ZNF804B: variants seen among roughly 807,000 people sequenced by gnomAD.
ZNF804B encodes zinc finger protein 804B.
Under a neutral mutation model 101.4 loss-of-function variants are expected in ZNF804B, and 80 were observed. The observed-to-expected ratio is 0.79, with a 90% CI of 0.66 to 0.95. ZNF804B has a LOEUF of 0.95. Among genes scored for constraint, ZNF804B ranks in the 40% least tolerant of loss-of-function variants. ZNF804B has a pLI of 0.00. For missense variants in ZNF804B, 1,673 were observed against 1,561.9 expected (o/e 1.07, Z -1.20); for synonymous variants, 622 against 558.8 (o/e 1.11, Z -1.59).
intron 1 of ZNF804B, among the ~76,000 whole-genome samples, chr7:88,970,841 A>G: frequency 7.6e-6 from 1 of 131,504 alleles, no homozygotes; most frequent in Admixed American, 8.0e-5. Flanking sequence ...GGGGGGAGGG[A>G]TAGCATTAGG....
chr7:89,163,974 G>C (rs767665784), intron 1 of ZNF804B, among the ~76,000 whole-genome samples: 1 of 149,048 alleles, frequency 6.7e-6, no homozygotes, highest in Admixed American at 6.7e-5. Flanking sequence ...ATATTTTTAC[G>C]CAAGGGAATG....
chr7:88,947,193 C>T (rs1793147080), intron 1 of ZNF804B, among the ~76,000 whole-genome samples: 1 of 151,970 alleles, frequency 6.6e-6, no homozygotes, highest in Non-Finnish European at 1.5e-5. Flanking sequence ...ATAAATCATT[C>T]TACTATAAAG....
At chr7:88,991,433 T>A (rs1005444821) in intron 1 of ZNF804B, among the ~76,000 whole-genome samples, 1 of 152,158 alleles carries the variant, frequency 6.6e-6, no homozygotes, top group African/African-American at 2.4e-5. Context: ...ATGATGTATA[T>A]GCCCTGCTGG....
chr7:89,102,416 A>G (rs1790069163), intron 1 of ZNF804B, among the ~76,000 whole-genome samples: 1 of 151,724 alleles, frequency 6.6e-6, no homozygotes, highest in Non-Finnish European at 1.5e-5. Context: ...CTCAGTATAG[A>G]TGTTGCATTT....
At chr7:88,771,416 G>A (rs373418900) in intron 1 of ZNF804B, among the ~76,000 whole-genome samples, 12 of 151,798 alleles carry the variant, frequency 7.9e-5, no homozygotes, top group East Asian at 1.9e-4. Flanking sequence ...TTGATGCCAC[G>A]AATGTGAACA....
chr7:89,070,093 A>C (rs1329232727), intron 1 of ZNF804B, among the ~76,000 whole-genome samples: 2 of 152,180 alleles, frequency 1.3e-5, no homozygotes, highest in Non-Finnish European at 2.9e-5. Flanking sequence ...CCAGACAATT[A>C]ACAGCAAACA....
intron 1 of ZNF804B, among the ~76,000 whole-genome samples, chr7:89,033,847 T>C (rs1301306123): frequency 1.3e-5 from 2 of 152,102 alleles, no homozygotes; most frequent in African/African-American, 4.8e-5. Flanking sequence ...CTGCTTTGTA[T>C]CTTCATTTTT....
At chr7:88,772,025 T>C (rs1790073388) in intron 1 of ZNF804B, among the ~76,000 whole-genome samples, 1 of 152,170 alleles carries the variant, frequency 6.6e-6, no homozygotes, top group African/African-American at 2.4e-5. Context: ...CAAATTTTTG[T>C]CACTATGGAA....
At chr7:89,030,126 A>G (rs887011386) in intron 1 of ZNF804B, among the ~76,000 whole-genome samples, 3 of 152,146 alleles carry the variant, frequency 2.0e-5, no homozygotes, top group Non-Finnish European at 4.4e-5. Flanking sequence ...CTGTGATCAT[A>G]TCAGAAAAAA....
intron 1 of ZNF804B, among the ~76,000 whole-genome samples, chr7:88,815,129 CATAG>C (rs1376650425): frequency 6.8e-6 from 1 of 147,248 alleles, no homozygotes; most frequent in Non-Finnish European, 1.5e-5. Context: ...GTATGTATGG[CATAG>C]ATAAATTACA....
chr7:89,233,360 T>C (rs1584073410), intron 2 of ZNF804B, among the ~76,000 whole-genome samples: 1 of 152,318 alleles, frequency 6.6e-6, no homozygotes, highest in East Asian at 1.9e-4. Flanking sequence ...CACAGACATG[T>C]GGTTGTCTGA....
chr7:88,775,175 G>T (rs747602589), intron 1 of ZNF804B, among the ~76,000 whole-genome samples: 1 of 152,276 alleles, frequency 6.6e-6, no homozygotes, highest in South Asian at 2.1e-4. Flanking sequence ...TTCTAAAGAA[G>T]AATAAACAGG....
intron 1 of ZNF804B, among the ~76,000 whole-genome samples, chr7:88,930,180 A>G (rs914606981): frequency 1.3e-5 from 2 of 152,046 alleles, no homozygotes; most frequent in East Asian, 1.9e-4. Flanking sequence ...TTTAGTTTCT[A>G]TTTTGATATT....
At chr7:88,865,632 C>T (rs143377005) in intron 1 of ZNF804B, among the ~76,000 whole-genome samples, 419 of 152,112 alleles carry the variant, frequency 2.8e-3, no homozygotes, top group African/African-American at 9.7e-3. Context: ...CCTCTTAGTT[C>T]CCTCTCTCCT....
At chr7:89,008,278 CA>C (rs1238285610) in intron 1 of ZNF804B, among the ~76,000 whole-genome samples, 1 of 151,912 alleles carries the variant, frequency 6.6e-6, no homozygotes, top group African/African-American at 2.4e-5. Flanking sequence ...TTTCATTACA[CA>C]AAAAACCAAA....
At chr7:89,002,539 T>C (rs1788305152) in intron 1 of ZNF804B, among the ~76,000 whole-genome samples, 1 of 151,946 alleles carries the variant, frequency 6.6e-6, no homozygotes, top group Non-Finnish European at 1.5e-5. Context: ...GGAAATACTG[T>C]CTAAATGACA....
intron 1 of ZNF804B, among the ~76,000 whole-genome samples, chr7:89,194,759 T>A (rs1267386205): frequency 6.6e-6 from 1 of 151,252 alleles, no homozygotes. Flanking sequence ...TGCCTCCAGC[T>A]TTGTTCTTTT....
chr7:89,058,517 T>C (rs921964898), intron 1 of ZNF804B, among the ~76,000 whole-genome samples: 3 of 152,126 alleles, frequency 2.0e-5, no homozygotes, highest in African/African-American at 4.8e-5. Context: ...AAACAAACAC[T>C]CTGTTTTTAT....
chr7:89,283,767 A>G (rs933105255), intron 2 of ZNF804B, among the ~76,000 whole-genome samples: 1 of 152,074 alleles, frequency 6.6e-6, no homozygotes, highest in Admixed American at 6.5e-5. Flanking sequence ...TATCCTATAT[A>G]TACATACATA....
Sources: allele counts gnomAD v4.1 joint callset (sites outside exome capture counted in the v4.1 genomes callset), GRCh38; gene constraint gnomAD v4.1.1; transcripts MANE v1.5; gene names NCBI Gene and HGNC (gene_info 2026-07-23, HGNC 2026-07-21).